Variants in SYBU observed in about 807,000 individuals in gnomAD.
SYBU encodes syntabulin, also known as GOLSYN A protein.
A neutral mutation model predicts 35.9 loss-of-function variants in SYBU; 21 were observed. The ratio of observed to expected loss-of-function variants is 0.58; its 90% CI spans 0.41 to 0.84. SYBU has a LOEUF of 0.84. Ranked by LOEUF, SYBU falls within the 40% of genes least tolerant of loss-of-function variation. The pLI is 0.00. For synonymous variants in SYBU, 319 were observed against 324.3 expected, an observed-to-expected ratio of 0.98 and a Z score of 0.18; for missense variants, 768 against 848.2, an observed-to-expected ratio of 0.91 and a Z score of 1.17.
chr8:109,621,636 C>T (rs548474785), intron 2 of SYBU, among the ~76,000 whole-genome samples: 3 of 152,192 alleles, frequency 2.0e-5, no homozygotes, highest in Admixed American at 6.5e-5. Context: ...GCATTGTACC[C>T]AGGCCCCACC....
chr8:109,678,552 T>C (rs1817287730), intron 1 of SYBU, among the ~76,000 whole-genome samples: 1 of 149,850 alleles, frequency 6.7e-6, no homozygotes, highest in Non-Finnish European at 1.5e-5. Flanking sequence ...GCATTTCTCC[T>C]GACTCAGCCT....
chr8:109,656,402 C>T (rs1586962700), intron 1 of SYBU, among the ~76,000 whole-genome samples: 1 of 152,166 alleles, frequency 6.6e-6, no homozygotes, highest in South Asian at 2.1e-4. Context: ...TTCAGAAATA[C>T]CTCTATAGGA....
At chr8:109,633,574 G>T (rs536193727) in intron 2 of SYBU, among the ~76,000 whole-genome samples, 1 of 152,154 alleles carries the variant, frequency 6.6e-6, no homozygotes, top group Non-Finnish European at 1.5e-5. Flanking sequence ...AGCAGTGGCC[G>T]GGGCACCAGG....
chr8:109,640,274 G>A (rs1024619822), intron 2 of SYBU, among the ~76,000 whole-genome samples: 3 of 152,240 alleles, frequency 2.0e-5, no homozygotes, highest in Non-Finnish European at 2.9e-5. Context: ...GTGGGTCCGG[G>A]GAAGAATGAT....
chr8:109,652,790 G>C (rs1351061618), intron 1 of SYBU, among the ~76,000 whole-genome samples: 1 of 152,194 alleles, frequency 6.6e-6, no homozygotes, highest in Admixed American at 6.5e-5. Context: ...ATTATTTGGT[G>C]GTTGTGAAAT....
At chr8:109,631,086 G>A (rs1260522405) in intron 2 of SYBU, among the ~76,000 whole-genome samples, 3 of 152,134 alleles carry the variant, frequency 2.0e-5, no homozygotes, top group Admixed American at 1.3e-4. Flanking sequence ...TCATGTGCTC[G>A]CCAGGACGCA....
rs975805767 is a variant in SYBU at position 109,574,110 on chromosome 8, T to C, written c.*796A>G. ...AATTCAATTTTTACAGACCCCCTATTGATAAAGATGTAAGATCTGCTATTC... is the reference window on the plus strand; with the variant it reads ...AATTCAATTTTTACAGACCCCCTATCGATAAAGATGTAAGATCTGCTATTC... On this transcript the variant is annotated 3_prime_UTR_variant, in exon 7 of 7. Coordinates refer to ENST00000276646, the MANE Select transcript of SYBU (RefSeq NM_001099754.2). 6.6e-6 allele frequency: 1 copy of C among 152,226 alleles called. No homozygotes were observed. The highest frequency in any genetic ancestry group is 1.5e-5 in the Non-Finnish European group (1 of 68,032). 9.4% of individuals were successfully genotyped at this position (152,226 alleles called of 1,614,324 possible). A position where few individuals can be genotyped will look rare whatever the true frequency, so the allele number is the denominator to read the frequency against.
chr8:109,681,674 C>T (rs188319430), upstream of SYBU, among the ~76,000 whole-genome samples: 63 of 152,210 alleles, frequency 4.1e-4, no homozygotes, highest in Middle Eastern at 3.4e-3. Context: ...CAAACGATCA[C>T]ACATTTAATT....
At chr8:109,587,128 T>C (rs1196108613) in intron 3 of SYBU, among the ~76,000 whole-genome samples, 1 of 152,164 alleles carries the variant, frequency 6.6e-6, no homozygotes, top group African/African-American at 2.4e-5. Context: ...TAATTTGACC[T>C]TGTTGCTCAA....
intron 1 of SYBU, among the ~76,000 whole-genome samples, chr8:109,661,749 A>T (rs968254852): frequency 5.3e-5 from 8 of 152,198 alleles, no homozygotes; most frequent in African/African-American, 1.9e-4. Flanking sequence ...TGCACTCAAC[A>T]GTTCTGTTAT....
intron 2 of SYBU, among the ~76,000 whole-genome samples, chr8:109,628,339 T>A (rs924178181): frequency 4.0e-5 from 6 of 149,010 alleles, no homozygotes; most frequent in African/African-American, 1.5e-4. Flanking sequence ...GGAAACCACA[T>A]CTCTTTTTTT....
At chr8:109,676,223 G>A (rs1490983873) in intron 1 of SYBU, among the ~76,000 whole-genome samples, 4 of 152,158 alleles carry the variant, frequency 2.6e-5, no homozygotes, top group South Asian at 2.1e-4. Context: ...TTGAAAACTA[G>A]CACAAGACAA....
intron 1 of SYBU, among the ~76,000 whole-genome samples, chr8:109,668,163 G>T (rs202096742): frequency 3.3e-5 from 1 of 30,564 alleles, no homozygotes; most frequent in Non-Finnish European, 6.5e-5. Flanking sequence ...AGGGGGAGAG[G>T]GGGAGAGAGA....
intron 4 of SYBU, among the ~76,000 whole-genome samples, chr8:109,582,760 G>T (rs890253328): frequency 2.6e-5 from 4 of 152,104 alleles, no homozygotes; most frequent in African/African-American, 7.2e-5. Flanking sequence ...ACAGAATAAT[G>T]GGGCTTTAAA....
chr8:109,653,195 TA>T (rs934944652), intron 1 of SYBU, among the ~76,000 whole-genome samples: 1 of 152,222 alleles, frequency 6.6e-6, no homozygotes, highest in Admixed American at 6.5e-5. Context: ...TTTTATTTTT[TA>T]AAAAAATACT....
intron 1 of SYBU, among the ~76,000 whole-genome samples, chr8:109,651,801 A>G (rs540025296): frequency 3.6e-4 from 55 of 152,228 alleles, no homozygotes; most frequent in Admixed American, 5.9e-4. Flanking sequence ...TGCTTGTTTC[A>G]CATTCACCTC....
At chr8:109,663,296 G>GAT (rs1392667531) in intron 1 of SYBU, among the ~76,000 whole-genome samples, 1 of 150,640 alleles carries the variant, frequency 6.6e-6, no homozygotes, top group Admixed American at 6.6e-5. Context: ...TAGATAGATA[G>GAT]ATAGGTAGAT....
At chr8:109,612,708 G>A (rs908179951) in intron 3 of SYBU, among the ~76,000 whole-genome samples, 1 of 144,888 alleles carries the variant, frequency 6.9e-6, no homozygotes, top group Non-Finnish European at 1.5e-5. Flanking sequence ...GGCGGAGTGC[G>A]GTGGCTCACG....
chr8:109,642,437 A>C (rs1313572869), intron 2 of SYBU, among the ~76,000 whole-genome samples: 1 of 152,248 alleles, frequency 6.6e-6, no homozygotes, highest in Non-Finnish European at 1.5e-5. Flanking sequence ...CAGAAATTAA[A>C]GTATAATAAA....
Sources: allele counts gnomAD v4.1 joint callset (sites outside exome capture counted in the v4.1 genomes callset), GRCh38; gene constraint gnomAD v4.1.1; transcripts MANE v1.5; gene names NCBI Gene and HGNC (gene_info 2026-07-23, HGNC 2026-07-21).